Variants in SELP observed in about 807,000 individuals in gnomAD.
The protein encoded by SELP is selectin P, also known as P-selectin.
In SELP, 92 loss-of-function variants were observed where a neutral mutation model predicts 104.1. The ratio of observed to expected loss-of-function variants is 0.88; its 90% CI spans 0.75 to 1.05. The LOEUF is 1.05. SELP is among the 50% of genes least tolerant of loss of function. The pLI is 0.00. For synonymous variants in SELP, 397 were observed against 364.5 expected, an observed-to-expected ratio of 1.09 and a Z score of -1.01; for missense variants, 1,022 against 1,017.3, an observed-to-expected ratio of 1.00 and a Z score of -0.06.
intron 9 of SELP, among the ~76,000 whole-genome samples, chr1:169,605,416 G>GTTCA (rs3917762): frequency 0.046 from 6,853 of 148,370 alleles, 188 homozygotes; most frequent in South Asian, 0.052. Context: ...TTGTCCATTT[G>GTTCA]TTCATTCATT....
At chr1:169,604,471 C>A (rs1346916464) in intron 9 of SELP, among the ~76,000 whole-genome samples, 1 of 152,168 alleles carries the variant, frequency 6.6e-6, no homozygotes, top group East Asian at 1.9e-4. Flanking sequence ...TCCCATTTGT[C>A]AATTTTGGCT....
chr1:169,611,367 G>T, intron 7 of SELP, 125 bp downstream of exon 7: 1 of 907,432 alleles, frequency 1.1e-6, no homozygotes, highest in Non-Finnish European at 1.7e-6. Flanking sequence ...GTTCCTGGAG[G>T]TTGAAGAGCT....
rs1307992960 is a variant in SELP, at chr1:169,597,008, G to A, written c.1874C>T (p.Thr625Ile). The change falls in exon 11 of 17, where the codon ACT becomes ATT. Residue 625 changes from threonine (T) to isoleucine (I), a missense_variant. Thr to Ile is a moderately conservative substitution (Grantham distance 89). Transcript: ENST00000263686. ...ATTATTACCTTTGCAGGTTGGTGGA[G>A]TAGCTGACCATCTTCCAGAAGTTGT... ...ECTTSGRWSA[T>I]PPTCKGIASL... 2 of 1,612,048 alleles carry A rather than the reference G, an allele frequency of 1.2e-6. No individual in the cohort carries two copies. The highest frequency in any genetic ancestry group is 1.7e-5 in the Admixed American group (1 of 59,854).
At chr1:169,625,229 A>G (rs1455500725) in intron 1 of SELP, among the ~76,000 whole-genome samples, 1 of 152,074 alleles carries the variant, frequency 6.6e-6, no homozygotes, top group Non-Finnish European at 1.5e-5. Flanking sequence ...AGTAAATACC[A>G]CTACTTCCTT....
intron 1 of SELP, among the ~76,000 whole-genome samples, chr1:169,626,606 A>C (rs945245636): frequency 1.3e-5 from 2 of 152,230 alleles, no homozygotes; most frequent in African/African-American, 2.4e-5. Context: ...GTTTGAGACC[A>C]TATCTTGTGG....
intron 13 of SELP, 130 bp from the exon 14 acceptor site, chr1:169,593,854 A>G (rs1239773671): frequency 1.2e-6 from 1 of 827,620 alleles, no homozygotes; most frequent in Non-Finnish European, 1.8e-6. Context: ...GGTCCTGGGA[A>G]TGCTGACAAG....
Position 169,596,989 on chromosome 1 carries a change from A to T in SELP, c.1891+2T>A, listed in dbSNP as rs767455255. On this transcript the variant is annotated splice_donor_variant, in intron 11 of 16. Transcript: ENST00000263686. LOFTEE classifies it high-confidence loss of function. ...ACTGTCTTAGCAAGTACATATTATTACCTTTGCAGGTTGGTGGAGTAGCTG... is the reference window on the plus strand; with the variant it reads ...ACTGTCTTAGCAAGTACATATTATTTCCTTTGCAGGTTGGTGGAGTAGCTG... The T allele has an allele frequency of 6.2e-7, 1 of 1,608,748 alleles. No individual in the cohort carries two copies. Among genetic ancestry groups the T allele is most frequent in the Non-Finnish European group, 8.5e-7 (1 of 1,177,330 alleles).
intron 10 of SELP, among the ~76,000 whole-genome samples, chr1:169,598,944 G>A (rs576154909): frequency 1.3e-5 from 2 of 152,308 alleles, no homozygotes; most frequent in Admixed American, 6.5e-5. Flanking sequence ...AGTATAAAAT[G>A]AGAACTACTA....
intron 8 of SELP, among the ~76,000 whole-genome samples, chr1:169,607,492 A>C (rs1186049332): frequency 6.6e-6 from 1 of 152,194 alleles, no homozygotes; most frequent in African/African-American, 2.4e-5. Context: ...CACAAATGCC[A>C]TTAATTGAGG....
rs1270430076 is a variant in SELP at position 169,613,110 on chromosome 1, T to C, written c.594A>G (p.Arg198=). Residue 198 remains arginine (R), a synonymous_variant, in exon 5 of 17, where the codon AGA becomes AGG. Transcript: ENST00000263686. Reference sequence around the variant, plus strand: ...GAGGGAGCTCAAGTTCTCCACACTCTCTCACTGCAGGAGACAAAATAGTGA... The same window carrying C: ...GAGGGAGCTCAAGTTCTCCACACTCCCTCACTGCAGGAGACAAAATAGTGA... ...GFYGPECEYV[R]ECGELELPQH... 1 of 1,594,842 alleles carries C rather than the reference T, an allele frequency of 6.3e-7. No individual in the cohort carries two copies. Among genetic ancestry groups the C allele is most frequent in the Non-Finnish European group, 8.6e-7 (1 of 1,168,832 alleles).
rs767552277 is a variant in SELP, at chr1:169,617,283, T to C, written c.226A>G (p.Ile76Val). The C allele has an allele frequency of 6.2e-6, 10 of 1,614,182 alleles. No individual in the cohort carries two copies. The highest frequency in any genetic ancestry group is 8.5e-6 in the Non-Finnish European group (10 of 1,180,020). Residue 76 changes from isoleucine (I) to valine (V), a missense_variant, in exon 3 of 17, where the codon ATT (isoleucine) becomes GTT (valine). By Grantham distance (29) the Ile-to-Val change is conservative. Transcript: ENST00000263686. ...DLVAIQNKNE[I>V]DYLNKVLPYY... The stretch of plus-strand genomic sequence containing the variant: ...GGTAGGACCTTATTGAGGTAATCAA[T>C]TTCATTTTTATTCTGGATGGCCACT...
At chr1:169,610,135 T>TG (rs1466194477) in intron 7 of SELP, among the ~76,000 whole-genome samples, 29 of 151,834 alleles carry the variant, frequency 1.9e-4, no homozygotes, top group Non-Finnish European at 2.6e-4. Context: ...ATCTGTGAAA[T>TG]TGAACCTGAA....
At chr1:169,610,581 G>C (rs1662469641) in intron 7 of SELP, among the ~76,000 whole-genome samples, 2 of 152,060 alleles carry the variant, frequency 1.3e-5, no homozygotes, top group African/African-American at 4.8e-5. Flanking sequence ...TGAATCACTT[G>C]AGGTCGGGAG....
intron 9 of SELP, among the ~76,000 whole-genome samples, chr1:169,605,958 G>A (rs1304608376): frequency 2.6e-5 from 4 of 152,148 alleles, no homozygotes; most frequent in Non-Finnish European, 4.4e-5. Context: ...AAACATGGAT[G>A]ACTAGAACCC....
chr1:169,628,458 A>T (rs1571689040), intron 1 of SELP, among the ~76,000 whole-genome samples: 1 of 152,200 alleles, frequency 6.6e-6, no homozygotes, highest in African/African-American at 2.4e-5. Flanking sequence ...ATTAAAAACC[A>T]TTCCAGGGCT....
rs6128 is a variant in SELP, at chr1:169,593,666, C to T, written c.2346G>A (p.Thr782=). 313,411 of 1,612,630 alleles carry T rather than the reference C, an allele frequency of 0.19. 39,575 individuals carry two copies. The highest frequency in any genetic ancestry group is 0.6 in the East Asian group (26,914 of 44,854). ...LTYFGGAVAS[T]IGLIMGGTLL... ...GCGTCCCACCCATTATCAGACCTAT[C>T]GTAGAAGCCACCGCTCCACCAAAGT... The change falls in exon 14 of 17, where the codon ACG becomes ACA. Residue 782 remains threonine (T), a synonymous_variant. Coordinates refer to ENST00000263686, the MANE Select transcript of SELP (RefSeq NM_003005.4).
Position 169,611,691 on chromosome 1 carries a change from C to A in SELP, c.962-14G>T. ...GACACTGCACAGCTGGAGAGAATAA[C>A]CAAGGATAAAGAGAAAGATACTGAG... On this transcript the variant is annotated splice_polypyrimidine_tract_variant and intron_variant, in intron 6 of 16. Coordinates refer to ENST00000263686, the MANE Select transcript of SELP (RefSeq NM_003005.4). 1 of 1,610,640 alleles carries A rather than the reference C, an allele frequency of 6.2e-7. No homozygotes were observed. The highest frequency in any genetic ancestry group is 1.7e-5 in the Admixed American group (1 of 59,642).
chr1:169,595,345 G>A (rs990504106), intron 12 of SELP, among the ~76,000 whole-genome samples: 1 of 152,224 alleles, frequency 6.6e-6, no homozygotes, highest in African/African-American at 2.4e-5. Flanking sequence ...GAACTTCAGG[G>A]TTATTCTTTC....
chr1:169,606,324 G>A (rs932026807), intron 9 of SELP, among the ~76,000 whole-genome samples: 1 of 152,256 alleles, frequency 6.6e-6, no homozygotes, highest in Admixed American at 6.5e-5. Flanking sequence ...CTCAAAAAAT[G>A]TATGTATATC....
Sources: allele counts gnomAD v4.1 joint callset (sites outside exome capture counted in the v4.1 genomes callset), GRCh38; gene constraint gnomAD v4.1.1; transcripts MANE v1.5; gene names NCBI Gene and HGNC (gene_info 2026-07-23, HGNC 2026-07-21).